The following ARID1B variants were observed in gnomAD, a reference collection of about 807,000 sequenced individuals.
ARID1B encodes the protein AT-rich interactive domain-containing protein 1B.
ARID1B carries 30 observed loss-of-function variants against 212.3 expected under a neutral mutation model. The ratio of observed to expected loss-of-function variants is 0.14; its 90% confidence interval spans 0.11 to 0.19. The LOEUF (loss-of-function observed/expected upper bound fraction) is 0.19, where lower values mean the gene tolerates loss of function less well. ARID1B is among the 10% of genes least tolerant of loss of function. The probability of loss-of-function intolerance (pLI) is 1.00; values close to 1 mark genes in which losing one functional copy is unlikely to be tolerated. For missense variants in ARID1B, 2,891 were observed against 3,204.0 expected (o/e 0.90, Z 2.36); for synonymous variants, 1,402 against 1,301.7 (o/e 1.08, Z -1.66).
At chr6:157,130,802 T>C (rs2128578442) in intron 6 of ARID1B, among the ~76,000 whole-genome samples, 1 of 152,336 alleles carries the variant, frequency 6.6e-6, no homozygotes, top group South Asian at 2.1e-4. Context: ...AAGCTACTGC[T>C]TTAGGTTCTC....
intron 1 of ARID1B, among the ~76,000 whole-genome samples, chr6:156,828,061 T>A (rs1215211624): frequency 8.4e-6 from 1 of 119,322 alleles, no homozygotes. Flanking sequence ...ATGCCCGGCC[T>A]CTTTTTTTTT....
chr6:157,068,159 CAG>C (rs1031899778), intron 4 of ARID1B, among the ~76,000 whole-genome samples: 1 of 152,172 alleles, frequency 6.6e-6, no homozygotes, highest in Non-Finnish European at 1.5e-5. Flanking sequence ...AATCAGCAGA[CAG>C]AACAAAAATC....
intron 4 of ARID1B, among the ~76,000 whole-genome samples, chr6:157,013,042 G>C (rs531250537): frequency 6.6e-6 from 1 of 152,270 alleles, no homozygotes; most frequent in South Asian, 2.1e-4. Context: ...ACCATGCCTG[G>C]CTAATTTTGT....
chr6:157,030,036 T>C (rs879473665), intron 4 of ARID1B, among the ~76,000 whole-genome samples: 3 of 152,212 alleles, frequency 2.0e-5, no homozygotes, highest in Non-Finnish European at 4.4e-5. Flanking sequence ...GTTTTTGCAG[T>C]AGTGCTCAGA....
Position 157,207,834 on chromosome 6 carries a change from G to T in ARID1B, c.7062G>T (p.Leu2354=). The T allele has an allele frequency of 6.6e-7, 1 of 1,523,152 alleles. No homozygotes were observed. The highest frequency in any genetic ancestry group is 1.3e-5 in the South Asian group (1 of 76,256). 94.4% of individuals were successfully genotyped at this position (1,523,152 alleles called of 1,614,324 possible). ...TGGATATCTCGATATCAGCTGTCCT[G>T]AACTCTCTGGTTGCATCTGTCATCT... ...RLLDISISAV[L]NSLVASVICD... Residue 2354 remains leucine (L), a synonymous_variant, in exon 20 of 20, where the codon CTG becomes CTT. Coordinates refer to ENST00000636930, the MANE Select transcript of ARID1B (RefSeq NM_001374828.1). The surrounding 1 kb of genome is among the most constrained non-coding windows in gnomAD (Gnocchi z 8.5).
At chr6:156,959,195 A>T (rs1267761976) in intron 4 of ARID1B, among the ~76,000 whole-genome samples, 1 of 152,092 alleles carries the variant, frequency 6.6e-6, no homozygotes, top group African/African-American at 2.4e-5. Flanking sequence ...GTGTGGGAAA[A>T]TTATGTACAG....
At chr6:156,976,818 A>G in intron 4 of ARID1B, 2 of 573,584 alleles carry the variant, frequency 3.5e-6, no homozygotes, top group Non-Finnish European at 6.7e-6. Flanking sequence ...ACTCAGTTAC[A>G]TTGGCAAATT....
rs1583522042 is a variant in ARID1B, at chr6:157,209,518, G to A, written c.*1627G>A. 3 of 232,922 alleles carry A rather than the reference G, an allele frequency of 1.3e-5. No homozygotes were observed. The highest frequency in any genetic ancestry group is 1.1e-4 in the Admixed American group (2 of 17,786). The allele number at this position is 232,922 out of a possible 1,614,324, so 14.4% of individuals were successfully genotyped here. The stretch of plus-strand genomic sequence containing the variant: ...AGGTATGATCATTTTCAGTATTTAT[G>A]GGAGGTGGCTGCTGACCCACTTGAG... On this transcript the variant is annotated 3_prime_UTR_variant, in exon 20 of 20. Transcript: ENST00000636930.
At chr6:156,895,804 T>G (rs1470667794) in intron 2 of ARID1B, among the ~76,000 whole-genome samples, 1 of 152,196 alleles carries the variant, frequency 6.6e-6, no homozygotes, top group East Asian at 1.9e-4. Flanking sequence ...GTTACCCTAT[T>G]TGCTTCACAT....
In ARID1B at chr6:156,897,152, T is replaced by C. The variant is rs143544423; in HGVS notation, c.1987-4224T>C. On this transcript the variant is annotated intron_variant, in intron 2 of 19. Transcript: ENST00000636930. The stretch of plus-strand genomic sequence containing the variant: ...TTCATGTCTTAAAGGTCTTCTTTAT[T>C]TAGAAATGAGTGAAGCAAATTCTTC... 7.2e-5 allele frequency among the ~76,000 whole-genome samples: 11 copies of C among 152,118 alleles called. No individual in the cohort carries two copies. The East Asian group carries it at 1.9e-3, about 27-fold the overall frequency.
chr6:156,897,215 G>GCTTCTT (rs1297724982), intron 2 of ARID1B, among the ~76,000 whole-genome samples: 289 of 75,842 alleles, frequency 3.8e-3, no homozygotes, highest in Non-Finnish European at 6.3e-3. Context: ...TGCTGCTGCT[G>GCTTCTT]CTGCTTCTTC....
At chr6:157,166,925 T>C in intron 8 of ARID1B, 115 bp from the exon 9 acceptor site, 1 of 1,388,354 alleles carries the variant, frequency 7.2e-7, no homozygotes. Flanking sequence ...TACACAAACA[T>C]GAAAAGTTAT....
At chr6:156,940,843 A>C (rs1792619286) in intron 4 of ARID1B, 1 of 152,218 alleles carries the variant, frequency 6.6e-6, no homozygotes, top group Non-Finnish European at 1.5e-5. Context: ...GCTAGTTCTC[A>C]GTCCAACCCA....
At chr6:157,136,791 C>T (rs1035342871) in intron 7 of ARID1B, among the ~76,000 whole-genome samples, 6 of 151,848 alleles carry the variant, frequency 4.0e-5, no homozygotes, top group African/African-American at 4.8e-5. Flanking sequence ...GAACCCGGGA[C>T]GTGGAGGCTG....
chr6:156,958,597 A>T (rs1192949568), intron 4 of ARID1B, among the ~76,000 whole-genome samples: 7 of 152,234 alleles, frequency 4.6e-5, no homozygotes, highest in Admixed American at 3.9e-4. Flanking sequence ...TGCAGTATGC[A>T]TTTACCCATC....
At chr6:156,931,316 A>G (rs1791697126) in intron 3 of ARID1B, among the ~76,000 whole-genome samples, 1 of 151,652 alleles carries the variant, frequency 6.6e-6, no homozygotes, top group Admixed American at 6.6e-5. Context: ...ACATATTGCT[A>G]TTTGGATTTT....
At chr6:156,856,053 G>A (rs2128117429) in intron 2 of ARID1B, among the ~76,000 whole-genome samples, 1 of 152,274 alleles carries the variant, frequency 6.6e-6, no homozygotes, top group East Asian at 1.9e-4. Context: ...GCAGGCTCTG[G>A]AGACTTTCTG....
chr6:157,143,486 T>TGG (rs148727916), intron 7 of ARID1B, among the ~76,000 whole-genome samples: 2 of 147,780 alleles, frequency 1.4e-5, no homozygotes, highest in African/African-American at 5.0e-5. Flanking sequence ...TTTTAAAAGA[T>TGG]GGGGGGGGTG....
At chr6:156,808,368 C>T (rs561726847) in intron 1 of ARID1B, among the ~76,000 whole-genome samples, 1 of 152,248 alleles carries the variant, frequency 6.6e-6, no homozygotes, top group East Asian at 1.9e-4. Context: ...GTATTCTAGT[C>T]AAATGTAGGC....
Sources: gnomAD v4.1 joint callset for allele counts (sites outside exome capture counted in the v4.1 genomes callset) on GRCh38, gnomAD v4.1.1 for gene constraint, Gnocchi (gnomAD v3.1) non-coding constraint, MANE v1.5 for transcripts, NCBI Gene and HGNC (gene_info 2026-07-23, HGNC 2026-07-21) for gene names.